Variants in DHX34 observed in about 807,000 individuals in gnomAD.
DHX34 encodes the protein DExH-box helicase 34, also known as probable ATP-dependent RNA helicase DHX34.
In DHX34, 96 loss-of-function variants were observed where a neutral mutation model predicts 111.1. The observed-to-expected ratio is 0.86, with a 90% CI of 0.73 to 1.02. The LOEUF is 1.02. Among genes scored for constraint, DHX34 ranks in the 50% least tolerant of loss-of-function variants. DHX34 has a pLI of 0.00. For synonymous variants in DHX34, 688 were observed against 670.4 expected, an observed-to-expected ratio of 1.03 and a Z score of -0.41; for missense variants, 1,560 against 1,579.9, an observed-to-expected ratio of 0.99 and a Z score of 0.21.
rs1160281529 is a variant in DHX34 at position 47,367,166 on chromosome 19, A to G, written c.1768+11A>G. On this transcript the variant is annotated intron_variant, in intron 7 of 16. Coordinates refer to ENST00000328771, the MANE Select transcript of DHX34 (RefSeq NM_014681.6). ...TGGACGTTGTGATTGGTGAGTACCCACCCCCCTCCTGATCACTCAGGGCCC... is the reference window on the plus strand; with the variant it reads ...TGGACGTTGTGATTGGTGAGTACCCGCCCCCCTCCTGATCACTCAGGGCCC... The G allele has an allele frequency of 6.8e-7, 1 of 1,465,914 alleles. No individual in the cohort carries two copies. The highest frequency in any genetic ancestry group is 2.5e-5 in the Admixed American group (1 of 40,560). The allele number at this position is 1,465,914 out of a possible 1,614,324, so 90.8% of individuals were successfully genotyped here.
intron 7 of DHX34, among the ~76,000 whole-genome samples, chr19:47,367,960 C>T (rs11879882): frequency 6.0e-5 from 9 of 150,936 alleles, no homozygotes; most frequent in African/African-American, 1.9e-4. Flanking sequence ...ATAGCTGATT[C>T]AACCTAATAT....
At chr19:47,381,408 T>TG in intron 16 of DHX34, 84 bp downstream of exon 16, 1 of 1,528,906 alleles carries the variant, frequency 6.5e-7, no homozygotes, top group Non-Finnish European at 8.8e-7. Flanking sequence ...TGTGAGCACT[T>TG]GCTAGAGCTT....
intron 13 of DHX34, chr19:47,379,451 T>C: frequency 3.6e-6 from 1 of 275,296 alleles, no homozygotes; most frequent in Non-Finnish European, 5.5e-6. Flanking sequence ...TGCCTGAGAA[T>C]GCAGCTGTCT....
At chr19:47,350,266 G>A (rs1969244452) in intron 1 of DHX34, among the ~76,000 whole-genome samples, 1 of 152,012 alleles carries the variant, frequency 6.6e-6, no homozygotes, top group Admixed American at 6.6e-5. Context: ...GAAAGGGCGT[G>A]GTGACTCACT....
At chr19:47,373,174 C>T (rs1970024697) in intron 8 of DHX34, among the ~76,000 whole-genome samples, 1 of 152,238 alleles carries the variant, frequency 6.6e-6, no homozygotes, top group South Asian at 2.1e-4. Context: ...CCTGTGCCAC[C>T]TGGAGAAAGT....
intron 3 of DHX34, 124 bp downstream of exon 3, chr19:47,355,474 T>C: frequency 7.1e-7 from 1 of 1,411,264 alleles, no homozygotes; most frequent in South Asian, 1.4e-5. Context: ...GTTCTCTTTT[T>C]TTAAAGCTAC....
Position 47,379,789 on chromosome 19 carries a change from A to C in DHX34, c.2786A>C (p.Gln929Pro). Residue 929 changes from glutamine (Q) to proline (P), a missense_variant, in exon 14 of 17, where the codon CAG becomes CCG. Transcript: ENST00000328771. Reference protein sequence around the residue: ...RLVADGWLELQLADSESAIRL... With the variant: ...RLVADGWLELPLADSESAIRL... The stretch of plus-strand genomic sequence containing the variant: ...GTGGCCGATGGCTGGCTGGAGCTGC[A>C]GCTAGCAGACAGTGAAAGTGCCATC... 1.9e-6 allele frequency: 3 copies of C among 1,613,532 alleles called. No individual in the cohort carries two copies. Among genetic ancestry groups the C allele is most frequent in the Non-Finnish European group, 8.5e-7 (1 of 1,179,622 alleles).
chr19:47,352,905 A>C lies in DHX34; in HGVS notation c.-126A>C. On this transcript the variant is annotated 5_prime_UTR_variant, in exon 2 of 17. Transcript: ENST00000328771. The stretch of plus-strand genomic sequence containing the variant: ...TGTGCCGTGACCAGGAGGAAAAATT[A>C]GCTCTTTGAAGAGAAAGTAGTTCTC... 2.8e-6 allele frequency: 4 copies of C among 1,447,360 alleles called. No individual in the cohort carries two copies. The South Asian group carries it at 4.5e-5, about 16-fold the overall frequency. 89.7% of individuals were successfully genotyped at this position (1,447,360 alleles called of 1,614,324 possible). A position where few individuals can be genotyped will look rare whatever the true frequency, so the allele number is the denominator to read the frequency against.
At position 47,382,083 on chromosome 19, in the gene DHX34, G is replaced by C; in HGVS notation, c.3402G>C (p.Glu1134Asp). 6.2e-7 allele frequency: 1 copy of C among 1,614,046 alleles called. No individual in the cohort carries two copies. The highest frequency in any genetic ancestry group is 8.5e-7 in the Non-Finnish European group (1 of 1,180,006). Residue 1134 changes from glutamate to aspartate, a missense_variant, in exon 17 of 17, where the codon GAG becomes GAC. Coordinates refer to ENST00000328771, the MANE Select transcript of DHX34 (RefSeq NM_014681.6). ...CGKDFLFTPT[E>D]VLRHRKQHV ...AGGACTTCCTCTTTACACCCACAGA[G>C]GTGCTGCGCCACCGGAAGCAGCACG... is the stretch of plus-strand genomic sequence containing the variant.
In DHX34 at chr19:47,375,620, G is replaced by T; in HGVS notation, c.2219G>T (p.Arg740Leu). 2.6e-6 allele frequency: 4 copies of T among 1,550,774 alleles called. No homozygotes were observed. Among genetic ancestry groups the T allele is most frequent in the Non-Finnish European group, 2.6e-6 (3 of 1,150,778 alleles). Reference protein sequence around the residue: ...EGAGRRRKVLRLQEEQDGGSS... With the variant: ...EGAGRRRKVLLLQEEQDGGSS... ...GCGGGGCGCAGGCGCAAGGTGCTGCGGCTGCAGGAGGAGCAGGACGGCGGC... is the reference window on the plus strand; with the variant it reads ...GCGGGGCGCAGGCGCAAGGTGCTGCTGCTGCAGGAGGAGCAGGACGGCGGC... The change falls in exon 10 of 17, where the codon CGG (arginine) becomes CTG (leucine). Residue 740 changes from arginine (R) to leucine (L), a missense_variant. Arg to Leu is a moderately radical substitution (Grantham distance 102). Transcript: ENST00000328771.
chr19:47,352,964 G>A lies in DHX34; in HGVS notation c.-67G>A, dbSNP rs117138727. The A allele has an allele frequency of 4.7e-3, 7,211 of 1,524,946 alleles. 23 individuals carry two copies. Among genetic ancestry groups the A allele is most frequent in the Non-Finnish European group, 5.9e-3 (6,660 of 1,135,684 alleles). 94.5% of individuals were successfully genotyped at this position (1,524,946 alleles called of 1,614,324 possible). Reference sequence around the variant, plus strand: ...GCACTGGCCTCTTAAATTGTTGCAGGTGGGGAATGGATGAGAATATTTGTT... The same window carrying A: ...GCACTGGCCTCTTAAATTGTTGCAGATGGGGAATGGATGAGAATATTTGTT... On this transcript the variant is annotated 5_prime_UTR_variant, in exon 2 of 17. In the 5' UTR this introduces an upstream ATG that the reference lacks. Coordinates refer to ENST00000328771, the MANE Select transcript of DHX34 (RefSeq NM_014681.6).
intron 3 of DHX34, among the ~76,000 whole-genome samples, chr19:47,355,990 T>C (rs569540300): frequency 3.9e-5 from 6 of 152,202 alleles, no homozygotes; most frequent in Non-Finnish European, 8.8e-5. Flanking sequence ...TCCTTTGTCA[T>C]TACTCTGCCA....
At chr19:47,377,841 G>C (rs1176167666) in intron 13 of DHX34, among the ~76,000 whole-genome samples, 2 of 152,010 alleles carry the variant, frequency 1.3e-5, no homozygotes, top group African/African-American at 4.8e-5. Context: ...TGGAGGCTGA[G>C]GCCGAACTCA....
chr19:47,361,453 G>A (rs989478592), intron 5 of DHX34, among the ~76,000 whole-genome samples: 1 of 149,656 alleles, frequency 6.7e-6, no homozygotes, highest in Admixed American at 6.7e-5. Context: ...GCGAGACCCT[G>A]TTTAAAAAAA....
At chr19:47,358,772 G>A (rs150392504) in intron 4 of DHX34, among the ~76,000 whole-genome samples, 3 of 151,998 alleles carry the variant, frequency 2.0e-5, no homozygotes, top group South Asian at 4.1e-4. Flanking sequence ...CCGCCACCAC[G>A]TCCGGCTAAT....
Position 47,381,277 on chromosome 19 carries a change from T to C in DHX34, c.3251T>C (p.Ile1084Thr). The C allele has an allele frequency of 6.2e-7, 1 of 1,613,868 alleles. No individual in the cohort carries two copies. The highest frequency in any genetic ancestry group is 8.5e-7 in the Non-Finnish European group (1 of 1,179,906). Residue 1084 changes from isoleucine to threonine, a missense_variant, in exon 16 of 17, where the codon ATC becomes ACC. Transcript: ENST00000328771. ...GCGCCCCTCACGCCCCTGGAGCGCA[T>C]CGCCCATGAGAACACCTGCCCCCAG... ...LHAPLTPLER[I>T]AHENTCPQAP...
chr19:47,373,660 A>G lies in DHX34; in HGVS notation c.2024A>G (p.His675Arg). 2 of 1,614,070 alleles carry G rather than the reference A, an allele frequency of 1.2e-6. No individual in the cohort carries two copies. The highest frequency in any genetic ancestry group is 1.1e-5 in the South Asian group (1 of 91,086). The stretch of plus-strand genomic sequence containing the variant: ...TGCCGCCGCCGGGGCATAGAGGAGC[A>G]TCGACTGTACGAAATGGCCAACCTT... The part of the protein sequence containing the change: ...KWCRRRGIEE[H>R]RLYEMANLRR... Residue 675 changes from histidine to arginine, a missense_variant, in exon 9 of 17, where the codon CAT (histidine) becomes CGT (arginine). Physicochemically the swap from His to Arg is conservative, Grantham distance 29. Transcript: ENST00000328771.
chr19:47,375,799 A>G, intron 10 of DHX34, 91 bp downstream of exon 10: 1 of 1,551,410 alleles, frequency 6.4e-7, no homozygotes, highest in South Asian at 1.2e-5. Flanking sequence ...CCCTGTCCTC[A>G]TTTCAGGAGC....
At chr19:47,373,748 G>A (rs1308210946) in intron 9 of DHX34, 48 bp downstream of exon 9, 1 of 1,589,022 alleles carries the variant, frequency 6.3e-7, no homozygotes, top group Non-Finnish European at 8.6e-7. Flanking sequence ...AGGCAGACGT[G>A]TGTAAGCACA....
Sources: allele counts gnomAD v4.1 joint callset (sites outside exome capture counted in the v4.1 genomes callset), GRCh38; gene constraint gnomAD v4.1.1; transcripts MANE v1.5; gene names NCBI Gene and HGNC (gene_info 2026-07-23, HGNC 2026-07-21).